The following HDAC9 variants were observed in gnomAD, a reference collection of about 807,000 sequenced individuals.
HDAC9 encodes MEF-2 interacting transcription repressor (MITR) protein.
HDAC9 carries 41 observed loss-of-function variants against 139.4 expected under a neutral mutation model. The ratio of observed to expected loss-of-function variants is 0.29; its 90% CI spans 0.23 to 0.38. HDAC9 has a LOEUF of 0.38. Among genes scored for constraint, HDAC9 ranks in the 10% least tolerant of loss-of-function variants. The probability of loss-of-function intolerance (pLI) is 1.00; values close to 1 mark genes in which losing one functional copy is unlikely to be tolerated. For synonymous variants in HDAC9, 517 were observed against 476.2 expected, an observed-to-expected ratio of 1.09 and a Z score of -1.12; for missense variants, 1,147 against 1,297.0, an observed-to-expected ratio of 0.88 and a Z score of 1.78.
intron 1 of HDAC9, among the ~76,000 whole-genome samples, chr7:18,451,181 T>G (rs1178470574): frequency 1.3e-5 from 2 of 152,132 alleles, no homozygotes; most frequent in African/African-American, 4.8e-5. Context: ...TTTCATCATG[T>G]GACGGCACAG....
intron 1 of HDAC9, among the ~76,000 whole-genome samples, chr7:18,355,445 G>A (rs751815312): frequency 1.6e-4 from 24 of 152,106 alleles, no homozygotes; most frequent in Non-Finnish European, 2.8e-4. Context: ...TTAAAGAAGT[G>A]AATAATTTAG....
rs139474199 is a variant in HDAC9 at position 18,750,934 on chromosome 7, C to T, written c.2043+1796C>T. Among the ~76,000 whole-genome samples, 864 of 152,266 alleles carry T rather than the reference C, an allele frequency of 5.7e-3. 4 individuals are homozygous for T. Among genetic ancestry groups the T allele is most frequent in the Admixed American group, 0.011 (166 of 15,276 alleles). On this transcript the variant is annotated intron_variant, in intron 14 of 25. Transcript: ENST00000686413. ...CCTGCGGCAGCTGGCCTGGTCCTAACTACTTCAAATTGTCAGTGGCTGATC... is the reference window on the plus strand; with the variant it reads ...CCTGCGGCAGCTGGCCTGGTCCTAATTACTTCAAATTGTCAGTGGCTGATC...
chr7:18,446,485 C>T lies in HDAC9; in HGVS notation c.-41-49777C>T, dbSNP rs577130933. On this transcript the variant is annotated intron_variant, in intron 1 of 3. Transcript: ENST00000413509. ...AATCTTTTCCTTTTTGCTAATGCTG[C>T]TTCTCATATAACGTATATTCAAATA... Among the ~76,000 whole-genome samples, 4 of 152,264 alleles carry T rather than the reference C, an allele frequency of 2.6e-5. No individual in the cohort carries two copies. In the East Asian group the frequency reaches 5.8e-4, roughly 22 times the overall value.
intron 2 of HDAC9, among the ~76,000 whole-genome samples, chr7:18,191,973 A>G (rs1296813350): frequency 1.3e-5 from 2 of 152,182 alleles, no homozygotes; most frequent in Non-Finnish European, 2.9e-5. Flanking sequence ...TATGACGAGA[A>G]GACATAAACA....
chr7:18,379,955 T>G (rs1350020277), intron 1 of HDAC9, among the ~76,000 whole-genome samples: 2 of 152,188 alleles, frequency 1.3e-5, no homozygotes, highest in Non-Finnish European at 2.9e-5. Flanking sequence ...CTCCACTAAG[T>G]CAGGGCAGAA....
chr7:18,096,995 G>A (rs891610517), intron 1 of HDAC9, among the ~76,000 whole-genome samples: 1 of 151,856 alleles, frequency 6.6e-6, no homozygotes, highest in African/African-American at 2.4e-5. Context: ...GTGCTGTCCA[G>A]TAAGATTTTC....
chr7:18,375,763 C>T (rs1299119863), intron 1 of HDAC9, among the ~76,000 whole-genome samples: 1 of 152,268 alleles, frequency 6.6e-6, no homozygotes, highest in East Asian at 1.9e-4. Context: ...GAAGTTCATC[C>T]AGGACTGAAT....
chr7:18,160,277 T>C (rs1261986771), intron 1 of HDAC9, among the ~76,000 whole-genome samples: 2 of 152,216 alleles, frequency 1.3e-5, no homozygotes, highest in Non-Finnish European at 2.9e-5. Flanking sequence ...TAATTTAAAA[T>C]CAAATTGTGC....
chr7:18,700,383 G>A (rs1393000745), intron 12 of HDAC9, among the ~76,000 whole-genome samples: 1 of 152,198 alleles, frequency 6.6e-6, no homozygotes, highest in Admixed American at 6.5e-5. Context: ...GAATAACGGT[G>A]ACAATGCGAC....
At chr7:18,965,120 C>G (rs1246867087) in intron 24 of HDAC9, among the ~76,000 whole-genome samples, 2 of 152,216 alleles carry the variant, frequency 1.3e-5, no homozygotes, top group Admixed American at 1.3e-4. Context: ...AAGAGACTGA[C>G]TCTTTCCCAG....
intron 1 of HDAC9, chr7:18,429,031 A>G (rs1254306841): frequency 6.6e-6 from 1 of 152,132 alleles, no homozygotes; most frequent in African/African-American, 2.4e-5. Flanking sequence ...GAAAATAGCA[A>G]TCCTACCCAC....
At position 18,718,649 on chromosome 7, in the gene HDAC9, C is replaced by T. The variant is rs114950667; in HGVS notation, c.1732-8931C>T. Among the ~76,000 whole-genome samples the T allele has an allele frequency of 8.4e-3, 1,280 of 152,150 alleles. 17 individuals are homozygous for T. Among genetic ancestry groups the T allele is most frequent in the African/African-American group, 0.028 (1,181 of 41,516 alleles). On this transcript the variant is annotated intron_variant, in intron 12 of 25. Coordinates refer to ENST00000686413, the MANE Select transcript of HDAC9 (RefSeq NM_178425.4). ...ATAATATTCTATTTTATGGATAAAGCGTAATTTTTTTATCCATTTATCAAT... is the reference window on the plus strand; with the variant it reads ...ATAATATTCTATTTTATGGATAAAGTGTAATTTTTTTATCCATTTATCAAT...
intron 1 of HDAC9, among the ~76,000 whole-genome samples, chr7:18,299,108 G>T (rs889682896): frequency 5.3e-5 from 8 of 152,006 alleles, no homozygotes; most frequent in African/African-American, 1.7e-4. Context: ...AATAACCTCA[G>T]GTGTAGGACT....
intron 2 of HDAC9, among the ~76,000 whole-genome samples, chr7:18,535,761 A>G (rs1463131459): frequency 7.3e-6 from 1 of 137,794 alleles, no homozygotes; most frequent in Non-Finnish European, 1.6e-5. Flanking sequence ...ATTTACTTCT[A>G]TTTCATAACC....
At chr7:18,221,255 G>A (rs772733721) in intron 2 of HDAC9, among the ~76,000 whole-genome samples, 12 of 151,822 alleles carry the variant, frequency 7.9e-5, no homozygotes, top group Non-Finnish European at 1.2e-4. Flanking sequence ...ACAGGGGCCC[G>A]CCGCCATGCC....
chr7:18,736,898 GCCT>G (rs777168414), intron 13 of HDAC9, among the ~76,000 whole-genome samples: 2 of 152,040 alleles, frequency 1.3e-5, no homozygotes, highest in Non-Finnish European at 2.9e-5. Context: ...ATTAATTATT[GCCT>G]CAATTTCGGA....
intron 22 of HDAC9, among the ~76,000 whole-genome samples, chr7:18,875,370 G>A (rs1799243294): frequency 6.6e-6 from 1 of 151,990 alleles, no homozygotes; most frequent in Non-Finnish European, 1.5e-5. Flanking sequence ...GGCCCACAGT[G>A]GTGTATTTTA....
At chr7:18,344,694 A>G (rs1372679583) in intron 1 of HDAC9, among the ~76,000 whole-genome samples, 4 of 151,962 alleles carry the variant, frequency 2.6e-5, no homozygotes, top group African/African-American at 9.7e-5. Flanking sequence ...AAAATTTGCA[A>G]TTTGTTCAAA....
intron 1 of HDAC9, among the ~76,000 whole-genome samples, chr7:18,161,197 A>C (rs1341387693): frequency 6.6e-6 from 1 of 152,240 alleles, no homozygotes; most frequent in Non-Finnish European, 1.5e-5. Context: ...TAGCTGTTTG[A>C]ATAACTAAAT....
Sources: allele counts gnomAD v4.1 joint callset (sites outside exome capture counted in the v4.1 genomes callset), GRCh38; gene constraint gnomAD v4.1.1; transcripts MANE v1.5; gene names NCBI Gene and HGNC (gene_info 2026-07-23, HGNC 2026-07-21).